Variants in ITSN1 observed in about 807,000 individuals in gnomAD.
ITSN1 encodes intersectin-1.
ITSN1 carries 58 observed loss-of-function variants against 239.8 expected under a neutral mutation model. The ratio of observed to expected loss-of-function variants is 0.24; its 90% CI spans 0.20 to 0.30. ITSN1 has a LOEUF of 0.30. ITSN1 is among the 10% of genes least tolerant of loss of function. The probability of loss-of-function intolerance (pLI) is 1.00; values close to 1 mark genes in which losing one functional copy is unlikely to be tolerated. For missense variants in ITSN1, 1,558 were observed against 2,103.3 expected, an observed-to-expected ratio of 0.74 and a Z score of 5.07; for synonymous variants, 780 against 770.8, an observed-to-expected ratio of 1.01 and a Z score of -0.20.
intron 33 of ITSN1, among the ~76,000 whole-genome samples, chr21:33,872,689 G>A (rs991701585): frequency 6.6e-6 from 1 of 151,996 alleles, no homozygotes; most frequent in Non-Finnish European, 1.5e-5. Context: ...GTACAATCAC[G>A]CCCGGCTAAT....
intron 17 of ITSN1, among the ~76,000 whole-genome samples, chr21:33,795,950 C>T (rs374332539): frequency 5.7e-5 from 8 of 139,872 alleles, no homozygotes; most frequent in African/African-American, 1.8e-4. Flanking sequence ...TAAAGTAATT[C>T]TTTTTTTTTT....
intron 2 of ITSN1, 50 bp downstream of exon 2, chr21:33,718,906 A>T: frequency 6.9e-7 from 1 of 1,448,106 alleles, no homozygotes; most frequent in Non-Finnish European, 9.6e-7. Flanking sequence ...ACCAGATTTT[A>T]AAAACTTGAT....
chr21:33,703,498 AT>A (rs1568978391), intron 1 of ITSN1, among the ~76,000 whole-genome samples: 5 of 152,174 alleles, frequency 3.3e-5, no homozygotes, highest in Admixed American at 3.3e-4. Flanking sequence ...ATGTTTTTCT[AT>A]TTTTTGTACC....
rs758894437 is a variant in ITSN1, at chr21:33,751,859, A to G, written c.576A>G (p.Ser192=). The G allele has an allele frequency of 1.9e-6, 3 of 1,613,838 alleles. No homozygotes were observed. The highest frequency in any genetic ancestry group is 2.5e-6 in the Non-Finnish European group (3 of 1,179,752). ...CCTTTAGTAGATCTGGTCCAGGGTC[A>G]CAACTAAACACTAAATTACAAAAGG... ...SSSFSRSGPG[S]QLNTKLQKAQ... Residue 192 remains serine, a synonymous_variant, in exon 7 of 40, where the codon TCA becomes TCG. Transcript: ENST00000381318.
intron 14 of ITSN1, among the ~76,000 whole-genome samples, chr21:33,780,475 A>G (rs1351437517): frequency 6.6e-6 from 1 of 152,040 alleles, no homozygotes; most frequent in African/African-American, 2.4e-5. Flanking sequence ...TTTTTCTGGT[A>G]TGGATTATTC....
intron 8 of ITSN1, among the ~76,000 whole-genome samples, chr21:33,761,391 T>G (rs1265270787): frequency 6.6e-6 from 1 of 152,120 alleles, no homozygotes; most frequent in East Asian, 1.9e-4. Flanking sequence ...ATCCTGGCTA[T>G]TAGCGCTTCC....
intron 1 of ITSN1, among the ~76,000 whole-genome samples, chr21:33,717,494 G>A (rs2065220678): frequency 6.6e-6 from 1 of 152,112 alleles, no homozygotes; most frequent in Non-Finnish European, 1.5e-5. Context: ...ACTGTGCCCA[G>A]TCAATACTCA....
At chr21:33,765,160 A>G (rs938499094) in intron 9 of ITSN1, among the ~76,000 whole-genome samples, 1 of 152,220 alleles carries the variant, frequency 6.6e-6, no homozygotes, top group African/African-American at 2.4e-5. Flanking sequence ...AAACTGTAAA[A>G]TATTTACTAC....
rs114035440 is a variant in ITSN1, at chr21:33,865,112, C to A, written c.3891-39C>A. 9.0e-4 allele frequency: 1,429 copies of A among 1,581,752 alleles called. 16 individuals carry two copies. The African/African-American group carries it at 0.017, about 19-fold the overall frequency. On this transcript the variant is annotated intron_variant, in intron 31 of 39. Transcript: ENST00000381318. This position sits in a 1 kb window ranked among gnomAD's most constrained non-coding sequence, Gnocchi z 4.4. ...AGTGTGCTGTGGTGCTGTCAGATAG[C>A]GTGAAAGCAGGGGGCTCACCTCCCG... is the stretch of plus-strand genomic sequence containing the variant.
At chr21:33,762,941 G>A (rs2068455932) in intron 9 of ITSN1, among the ~76,000 whole-genome samples, 1 of 152,066 alleles carries the variant, frequency 6.6e-6, no homozygotes, top group Non-Finnish European at 1.5e-5. Context: ...TGAGATTCCG[G>A]GGGTGAGCAC....
rs531548595 is a variant in ITSN1, at chr21:33,868,558, G to A, written c.4173+1227G>A. ...GTACACCCTCCGCAGCCGCTGGCCC[G>A]GGTGCTAAGTCCCTCATTGCCCGGA... On this transcript the variant is annotated intron_variant, in intron 33 of 39. Coordinates refer to ENST00000381318, the MANE Select transcript of ITSN1 (RefSeq NM_003024.3). 1.2e-3 allele frequency among the ~76,000 whole-genome samples: 188 copies of A among 152,346 alleles called. 1 individual carries two copies. Among genetic ancestry groups the A allele is most frequent in the South Asian group, 8.7e-3 (42 of 4,828 alleles).
At chr21:33,711,719 ATTTAC>A (rs1031971579) in intron 1 of ITSN1, among the ~76,000 whole-genome samples, 1 of 150,632 alleles carries the variant, frequency 6.6e-6, no homozygotes, top group African/African-American at 2.4e-5. Flanking sequence ...TAGTAAATAT[ATTTAC>A]TTAACCTTTT....
intron 20 of ITSN1, among the ~76,000 whole-genome samples, chr21:33,803,906 G>C (rs951237376): frequency 4.6e-5 from 7 of 152,112 alleles, no homozygotes; most frequent in African/African-American, 1.7e-4. Context: ...TTTCGATTTT[G>C]TACTACAAAA....
At chr21:33,781,385 A>T in intron 14 of ITSN1, 76 bp from the exon 15 acceptor site, 1 of 798,928 alleles carries the variant, frequency 1.3e-6, no homozygotes, top group Non-Finnish European at 2.1e-6. Context: ...AAACTGACTT[A>T]AGCTCTGCCT....
At chr21:33,698,354 C>T (rs908287820) in intron 1 of ITSN1, among the ~76,000 whole-genome samples, 24 of 152,172 alleles carry the variant, frequency 1.6e-4, no homozygotes, top group Non-Finnish European at 3.4e-4. Flanking sequence ...GCCACTCCCC[C>T]CTAACAACAA....
At chr21:33,725,983 T>G (rs1569032384) in intron 4 of ITSN1, among the ~76,000 whole-genome samples, 1 of 152,132 alleles carries the variant, frequency 6.6e-6, no homozygotes, top group Non-Finnish European at 1.5e-5. Context: ...GCCTAGGTTT[T>G]TTTGTTTGTT....
chr21:33,728,153 C>T (rs755201502), intron 4 of ITSN1, among the ~76,000 whole-genome samples: 7 of 151,930 alleles, frequency 4.6e-5, no homozygotes, highest in African/African-American at 1.7e-4. Flanking sequence ...TTAGTAGAGA[C>T]GGGGTTTCAC....
intron 29 of ITSN1, among the ~76,000 whole-genome samples, chr21:33,842,261 G>A (rs769715630): frequency 2.0e-5 from 3 of 152,128 alleles, no homozygotes; most frequent in South Asian, 2.1e-4. Context: ...GTCTCCTGAC[G>A]TCTAGTTAGC....
intron 35 of ITSN1, among the ~76,000 whole-genome samples, chr21:33,883,067 G>A (rs1016376049): frequency 2.0e-5 from 3 of 151,446 alleles, no homozygotes; most frequent in South Asian, 4.2e-4. Flanking sequence ...TTTATTATGG[G>A]AAAAAAAAGA....
Sources: gnomAD v4.1 joint callset for allele counts (sites outside exome capture counted in the v4.1 genomes callset) on GRCh38, gnomAD v4.1.1 for gene constraint, Gnocchi (gnomAD v3.1) non-coding constraint, MANE v1.5 for transcripts, NCBI Gene and HGNC (gene_info 2026-07-23, HGNC 2026-07-21) for gene names.